Variants in KL observed in about 807,000 individuals in gnomAD.
KL encodes the protein alpha-klotho.
Under a neutral mutation model 84.2 loss-of-function variants are expected in KL, and 62 were observed. That is an observed-to-expected ratio of 0.74 (90% CI 0.60 to 0.91). The LOEUF (loss-of-function observed/expected upper bound fraction) is 0.91, where lower values mean the gene tolerates loss of function less well. Among genes scored for constraint, KL ranks in the 40% least tolerant of loss-of-function variants. KL has a pLI of 0.00. For missense variants in KL, 1,261 were observed against 1,305.7 expected, an observed-to-expected ratio of 0.97 and a Z score of 0.53; for synonymous variants, 528 against 528.0, an observed-to-expected ratio of 1.00 and a Z score of 0.00.
chr13:33,048,660 A>G (rs1331499554), intron 1 of KL, among the ~76,000 whole-genome samples: 1 of 152,166 alleles, frequency 6.6e-6, no homozygotes, highest in African/African-American at 2.4e-5. Context: ...CAGCTCAGCA[A>G]TACTGCTGTG....
At chr13:33,042,303 T>C (rs557705217) in intron 1 of KL, among the ~76,000 whole-genome samples, 1 of 152,276 alleles carries the variant, frequency 6.6e-6, no homozygotes, top group African/African-American at 2.4e-5. Flanking sequence ...TACACCTGTA[T>C]GTGTATGGAT....
chr13:33,032,933 G>C (rs984638398), intron 1 of KL, among the ~76,000 whole-genome samples: 2 of 151,080 alleles, frequency 1.3e-5, no homozygotes, highest in African/African-American at 4.9e-5. Flanking sequence ...TCCTTCCTCT[G>C]AATCGCCATT....
intron 1 of KL, among the ~76,000 whole-genome samples, chr13:33,051,430 T>C (rs545960149): frequency 6.6e-6 from 1 of 152,000 alleles, no homozygotes; most frequent in African/African-American, 2.4e-5. Flanking sequence ...ACTTGGGAGG[T>C]TGAAGTGGGA....
At chr13:33,052,375 G>A (rs1324124333) in intron 1 of KL, among the ~76,000 whole-genome samples, 1 of 152,198 alleles carries the variant, frequency 6.6e-6, no homozygotes, top group African/African-American at 2.4e-5. Context: ...AAAACTGACA[G>A]AAGTGTGGCA....
chr13:33,053,660 G>C, intron 1 of KL, 107 bp from the exon 2 acceptor site: 1 of 1,081,254 alleles, frequency 9.2e-7, no homozygotes, highest in Non-Finnish European at 1.4e-6. Context: ...TAGTCATTAA[G>C]TTAGGCTTGA....
intron 1 of KL, among the ~76,000 whole-genome samples, chr13:33,033,943 T>TA (rs1162147324): frequency 6.6e-5 from 10 of 151,898 alleles, no homozygotes; most frequent in Non-Finnish European, 1.5e-4. Flanking sequence ...CATTTTTTTT[T>TA]AAAAAAGATG....
intron 1 of KL, among the ~76,000 whole-genome samples, 199 bp downstream of exon 1, chr13:33,017,458 A>C (rs1054315179): frequency 2.6e-5 from 4 of 152,216 alleles, no homozygotes; most frequent in African/African-American, 9.6e-5. Context: ...TAGTGGGCAC[A>C]CGAGTGAGTG....
chr13:33,044,582 T>C (rs79073625), intron 1 of KL, among the ~76,000 whole-genome samples: 15,904 of 151,650 alleles, frequency 0.1, 1,122 homozygotes, highest in East Asian at 0.24. Flanking sequence ...TAAGTGGCAT[T>C]GTATTTAAAA....
chr13:33,054,546 A>G (rs1444868411), intron 2 of KL, among the ~76,000 whole-genome samples: 1 of 152,238 alleles, frequency 6.6e-6, no homozygotes, highest in East Asian at 1.9e-4. Flanking sequence ...AGATTTTTAG[A>G]TTAAATTGAA....
intron 1 of KL, among the ~76,000 whole-genome samples, chr13:33,045,075 A>C (rs900049517): frequency 1.4e-4 from 21 of 152,124 alleles, no homozygotes; most frequent in African/African-American, 4.8e-4. Flanking sequence ...GAGTGTTTAA[A>C]TGTACTCCTG....
intron 1 of KL, among the ~76,000 whole-genome samples, chr13:33,035,869 A>T (rs1871133006): frequency 6.6e-6 from 1 of 152,244 alleles, no homozygotes; most frequent in Admixed American, 6.5e-5. Flanking sequence ...AGATAAATTA[A>T]TGAAGCAAGA....
intron 1 of KL, among the ~76,000 whole-genome samples, chr13:33,038,510 G>A (rs1871221983): frequency 6.6e-6 from 1 of 152,096 alleles, no homozygotes; most frequent in African/African-American, 2.4e-5. Context: ...CAGTTTTTTT[G>A]GGAGAGTTCC....
intron 1 of KL, among the ~76,000 whole-genome samples, chr13:33,044,650 T>TC (rs1230375361): frequency 5.3e-5 from 5 of 94,790 alleles, no homozygotes; most frequent in African/African-American, 2.2e-4. Context: ...CTTTTTTTTT[T>TC]TTTTTTTTTT....
chr13:33,055,289 T>G lies in KL; in HGVS notation c.1573T>G (p.Trp525Gly). 1 of 1,614,160 alleles carries G rather than the reference T, an allele frequency of 6.2e-7. No individual in the cohort carries two copies. The change falls in exon 3 of 5, where the codon TGG becomes GGG. Residue 525 changes from tryptophan (W) to glycine (G), a missense_variant. Coordinates refer to ENST00000380099, the MANE Select transcript of KL (RefSeq NM_004795.4). ...AGGGACATTTCCCTGTGACTTTGCT[T>G]GGGGAGTTGTTGACAACTACATTCA... ...LEGTFPCDFA[W>G]GVVDNYIQVD...
chr13:33,060,611 A>G, intron 3 of KL, 68 bp from the exon 4 acceptor site: 4 of 1,586,650 alleles, frequency 2.5e-6, no homozygotes, highest in Non-Finnish European at 3.5e-6. Flanking sequence ...GTTTTGCTGA[A>G]ATAATTGCTT....
intron 1 of KL, among the ~76,000 whole-genome samples, chr13:33,026,000 G>A (rs775672816): frequency 3.3e-5 from 5 of 152,202 alleles, no homozygotes; most frequent in Non-Finnish European, 7.3e-5. Flanking sequence ...AAGGTAATCC[G>A]TTAGAGGAAT....
At chr13:33,059,621 C>T (rs1436222470) in intron 3 of KL, among the ~76,000 whole-genome samples, 1 of 152,018 alleles carries the variant, frequency 6.6e-6, no homozygotes, top group East Asian at 1.9e-4. Flanking sequence ...TACAGGTGTG[C>T]ACCACCACAC....
chr13:33,056,639 CAAAAA>C (rs57452305), intron 3 of KL, among the ~76,000 whole-genome samples: 28 of 144,500 alleles, frequency 1.9e-4, no homozygotes, highest in African/African-American at 3.6e-4. Context: ...ACTAAAAATA[CAAAAA>C]AAAAAAAAAA....
chr13:33,040,982 C>A (rs1256078491), intron 1 of KL, among the ~76,000 whole-genome samples: 4 of 152,160 alleles, frequency 2.6e-5, no homozygotes, highest in African/African-American at 4.8e-5. Context: ...TTGTTACTAT[C>A]TTTTTTGGTC....
Sources: allele counts gnomAD v4.1 joint callset (sites outside exome capture counted in the v4.1 genomes callset), GRCh38; gene constraint gnomAD v4.1.1; transcripts MANE v1.5; gene names NCBI Gene and HGNC (gene_info 2026-07-23, HGNC 2026-07-21).